The following PDGFD variants were observed in gnomAD, a reference collection of about 807,000 sequenced individuals.
PDGFD encodes the protein platelet derived growth factor D.
Under a neutral mutation model 44.7 loss-of-function variants are expected in PDGFD, and 30 were observed. The ratio of observed to expected loss-of-function variants is 0.67; its 90% CI spans 0.50 to 0.91. The LOEUF is 0.91. PDGFD is among the 40% of genes least tolerant of loss of function. The probability of loss-of-function intolerance (pLI) is 0.00; values close to 1 mark genes in which losing one functional copy is unlikely to be tolerated. For missense variants in PDGFD, 445 were observed against 457.8 expected, an observed-to-expected ratio of 0.97 and a Z score of 0.25; for synonymous variants, 173 against 168.4, an observed-to-expected ratio of 1.03 and a Z score of -0.21.
intron 1 of PDGFD, chr11:104,039,200 G>A (rs1319987801): frequency 1.8e-5 from 3 of 166,776 alleles, no homozygotes; most frequent in Non-Finnish European, 2.9e-5. Flanking sequence ...AAATCAAGAT[G>A]TGTATGTTTT....
In PDGFD at chr11:104,084,392, G is replaced by T. The variant is rs886489964; in HGVS notation, c.124+79412C>A. On this transcript the variant is annotated intron_variant, in intron 1 of 6. Transcript: ENST00000393158. ...GACAGAATCAGCCTTAAAGAGATCT[G>T]GGGACAATATTTCCAGGAAGAAGAA... 2.6e-5 allele frequency among the ~76,000 whole-genome samples: 4 copies of T among 152,034 alleles called. No individual in the cohort carries two copies. In the East Asian group the frequency reaches 7.7e-4, roughly 29 times the overall value.
At position 104,035,743 on chromosome 11, in the gene PDGFD, T is replaced by C. The variant is rs371780778; in HGVS notation, c.125-35488A>G. Among the ~76,000 whole-genome samples the C allele has an allele frequency of 1.5e-4, 23 of 152,248 alleles. No individual in the cohort carries two copies. In the South Asian group the frequency reaches 3.3e-3, roughly 22 times the overall value. ...TTGCACAAAATGTCTCATCTTTCTC[T>C]AGAAATAACAGCCCTTGCCATAAAT... On this transcript the variant is annotated intron_variant, in intron 1 of 6. Coordinates refer to ENST00000393158, the MANE Select transcript of PDGFD (RefSeq NM_025208.5).
intron 1 of PDGFD, among the ~76,000 whole-genome samples, chr11:104,046,398 A>T (rs985364073): frequency 3.4e-5 from 5 of 147,942 alleles, no homozygotes; most frequent in African/African-American, 9.8e-5. Flanking sequence ...CATAACGTTA[A>T]AGCAACAGAT....
At chr11:103,951,540 A>G (rs997937754) in intron 3 of PDGFD, among the ~76,000 whole-genome samples, 13 of 152,186 alleles carry the variant, frequency 8.5e-5, no homozygotes, top group Non-Finnish European at 4.4e-5. Context: ...ATTTGCCTCT[A>G]TGAACTTCTT....
In PDGFD at chr11:103,939,053, C is replaced by T. The variant is rs1354095452; in HGVS notation, c.772+4399G>A. Among the ~76,000 whole-genome samples, 5 of 152,042 alleles carry T rather than the reference C, an allele frequency of 3.3e-5. 1 individual carries two copies. Among genetic ancestry groups the T allele is most frequent in the Admixed American group, 1.3e-4 (2 of 15,246 alleles). On this transcript the variant is annotated intron_variant, in intron 5 of 6. Coordinates refer to ENST00000393158, the MANE Select transcript of PDGFD (RefSeq NM_025208.5). Reference sequence around the variant, plus strand: ...GGCGATGTGGGCTCTTTTTTGGTTCCACATGAACTTTAAAGTAGTTTTTTC... The same window carrying T: ...GGCGATGTGGGCTCTTTTTTGGTTCTACATGAACTTTAAAGTAGTTTTTTC...
chr11:103,974,514 G>C (rs1478838396), intron 3 of PDGFD, among the ~76,000 whole-genome samples: 1 of 152,060 alleles, frequency 6.6e-6, no homozygotes, highest in Non-Finnish European at 1.5e-5. Context: ...AGAATGTGCA[G>C]GTTTGTTTCA....
At chr11:104,129,978 C>T (rs534147743) in intron 1 of PDGFD, among the ~76,000 whole-genome samples, 4 of 138,274 alleles carry the variant, frequency 2.9e-5, no homozygotes, top group African/African-American at 1.1e-4. Flanking sequence ...CAATGCACTC[C>T]AACCTGGGCA....
intron 6 of PDGFD, among the ~76,000 whole-genome samples, chr11:103,922,816 G>A (rs1013526883): frequency 2.6e-5 from 4 of 151,956 alleles, no homozygotes; most frequent in African/African-American, 9.7e-5. Context: ...ATAGCCTCAA[G>A]GGATCATCCC....
intron 3 of PDGFD, among the ~76,000 whole-genome samples, chr11:103,965,256 A>G (rs1858998206): frequency 6.6e-6 from 1 of 152,176 alleles, no homozygotes; most frequent in African/African-American, 2.4e-5. Context: ...TTTTGAAGCT[A>G]CAGTAAACAT....
chr11:104,081,621 T>G (rs1357918715), intron 1 of PDGFD, among the ~76,000 whole-genome samples: 1 of 152,122 alleles, frequency 6.6e-6, no homozygotes, highest in Admixed American at 6.6e-5. Flanking sequence ...CAAAAACAGT[T>G]CAATTCTGCA....
At chr11:104,143,569 G>T (rs1010279064) in intron 1 of PDGFD, among the ~76,000 whole-genome samples, 6 of 152,128 alleles carry the variant, frequency 3.9e-5, no homozygotes, top group Non-Finnish European at 8.8e-5. Context: ...CCCAGTTCTG[G>T]GATAGAAGCA....
chr11:103,912,142 C>A (rs1858037771), intron 6 of PDGFD, among the ~76,000 whole-genome samples: 1 of 152,142 alleles, frequency 6.6e-6, no homozygotes, highest in Non-Finnish European at 1.5e-5. Context: ...CATAAAGATA[C>A]TCCTCGAGAA....
chr11:103,986,603 C>G (rs1282595127), intron 3 of PDGFD, among the ~76,000 whole-genome samples: 3 of 152,208 alleles, frequency 2.0e-5, no homozygotes, highest in African/African-American at 7.2e-5. Flanking sequence ...CCGACTCCAT[C>G]TTGCTTTTAA....
At chr11:103,940,321 T>C (rs1858563841) in intron 5 of PDGFD, among the ~76,000 whole-genome samples, 1 of 152,142 alleles carries the variant, frequency 6.6e-6, no homozygotes, top group African/African-American at 2.4e-5. Flanking sequence ...CATTCAAATG[T>C]CATCTTAGAA....
At chr11:103,922,937 C>T (rs1441644377) in intron 6 of PDGFD, among the ~76,000 whole-genome samples, 1 of 152,020 alleles carries the variant, frequency 6.6e-6, no homozygotes, top group Non-Finnish European at 1.5e-5. Flanking sequence ...AACAAACAGG[C>T]CTTGCTAATT....
intron 1 of PDGFD, among the ~76,000 whole-genome samples, chr11:104,110,677 G>A (rs1310183536): frequency 6.6e-6 from 1 of 152,128 alleles, no homozygotes; most frequent in Admixed American, 6.6e-5. Flanking sequence ...TCCACGCTGT[G>A]TCTTTTCTCC....
At position 104,094,663 on chromosome 11, in the gene PDGFD, C is replaced by T. The variant is rs962732100; in HGVS notation, c.124+69141G>A. Among the ~76,000 whole-genome samples, 7 of 152,094 alleles carry T rather than the reference C, an allele frequency of 4.6e-5. 1 individual carries two copies. Among genetic ancestry groups the T allele is most frequent in the South Asian group, 2.1e-4 (1 of 4,822 alleles). The stretch of plus-strand genomic sequence containing the variant: ...TCATTCTGTTATCTATAACTATACA[C>T]GTATATACAAACACACATAGTCAGT... On this transcript the variant is annotated intron_variant, in intron 1 of 6. Coordinates refer to ENST00000393158, the MANE Select transcript of PDGFD (RefSeq NM_025208.5).
intron 6 of PDGFD, among the ~76,000 whole-genome samples, chr11:103,926,262 C>A (rs1019097432): frequency 2.6e-5 from 4 of 152,244 alleles, no homozygotes; most frequent in Admixed American, 6.5e-5. Flanking sequence ...TGATTACTTA[C>A]AATAGTTTTT....
chr11:104,065,612 T>C (rs1027320414), intron 1 of PDGFD, among the ~76,000 whole-genome samples: 3 of 152,168 alleles, frequency 2.0e-5, no homozygotes, highest in African/African-American at 4.8e-5. Context: ...TAACTGGCAA[T>C]AGAAAATTCC....
Sources: allele counts gnomAD v4.1 joint callset (sites outside exome capture counted in the v4.1 genomes callset), GRCh38; gene constraint gnomAD v4.1.1; transcripts MANE v1.5; gene names NCBI Gene and HGNC (gene_info 2026-07-23, HGNC 2026-07-21).